COXFA4: variants seen among roughly 807,000 people sequenced by gnomAD.
COXFA4 encodes the protein cytochrome c oxidase associated subunit FA4, also known as cytochrome c oxidase subunit FA4.
At chr7:10,939,386 T>A in the COXFA4 span, 1 of 182,268 alleles carries the variant, frequency 5.5e-6, no homozygotes, top group Non-Finnish European at 1.2e-5. Flanking sequence ...GAAAACGTAA[T>A]GCTACCAATG....
the COXFA4 span, chr7:10,938,009 C>T: frequency 8.9e-7 from 1 of 1,126,380 alleles, no homozygotes; most frequent in Non-Finnish European, 1.4e-6. Flanking sequence ...ACTCGTATAT[C>T]CAGTTTCAAG....
chr7:10,937,582 C>T, the COXFA4 span, among the ~76,000 whole-genome samples: 1 of 152,136 alleles, frequency 6.6e-6, no homozygotes, highest in East Asian at 1.9e-4. Flanking sequence ...CGTGCCTGGC[C>T]TGCCCTTGGT....
the COXFA4 span, chr7:10,933,458 A>G: frequency 1.8e-6 from 1 of 558,260 alleles, no homozygotes; most frequent in Admixed American, 3.3e-5. Flanking sequence ...GACACATATC[A>G]AGTTTCAGTT....
chr7:10,938,487 G>C, the COXFA4 span: 143 of 418,828 alleles, frequency 3.4e-4, no homozygotes, highest in African/African-American at 2.7e-3. Flanking sequence ...AAATGTGCAA[G>C]TGAAGGCAAA....
At chr7:10,934,019 G>GT in the COXFA4 span, among the ~76,000 whole-genome samples, 1 of 152,010 alleles carries the variant, frequency 6.6e-6, no homozygotes, top group Admixed American at 6.6e-5. Flanking sequence ...TTCCAATTCG[G>GT]TAAGTTTTTG....
the COXFA4 span, chr7:10,937,935 A>T: frequency 9.2e-6 from 6 of 649,110 alleles, no homozygotes; most frequent in Non-Finnish European, 1.7e-5. Context: ...TATTAGAGCA[A>T]TATACCATTT....
chr7:10,935,710 C>T, the COXFA4 span, among the ~76,000 whole-genome samples: 1 of 152,172 alleles, frequency 6.6e-6, no homozygotes, highest in African/African-American at 2.4e-5. Flanking sequence ...AATTGGTTGG[C>T]ACCTTGATCT....
At chr7:10,934,675 T>C in the COXFA4 span, among the ~76,000 whole-genome samples, 5 of 152,180 alleles carry the variant, frequency 3.3e-5, no homozygotes, top group Non-Finnish European at 7.3e-5. Flanking sequence ...CAAACCCCTT[T>C]TATTTCTTCA....
At chr7:10,939,201 C>T in the COXFA4 span, 1 of 311,412 alleles carries the variant, frequency 3.2e-6, no homozygotes, top group South Asian at 3.2e-5. Flanking sequence ...GTCTTCTTCA[C>T]CTCTCTAATA....
the COXFA4 span, among the ~76,000 whole-genome samples, chr7:10,936,357 C>A: frequency 2.7e-3 from 410 of 152,324 alleles, no homozygotes; most frequent in African/African-American, 9.6e-3. Flanking sequence ...CATTAGTAGA[C>A]TGGCTGCATT....
the COXFA4 span, chr7:10,938,374 G>A: frequency 1.9e-6 from 1 of 523,710 alleles, no homozygotes. Flanking sequence ...CTTTTTATCT[G>A]GCTTTCACAA....
chr7:10,938,403 A>G, the COXFA4 span: 53 of 491,180 alleles, frequency 1.1e-4, 2 homozygotes, highest in South Asian at 6.2e-4. Context: ...CATTTAATTA[A>G]TAAAGTGATA....
chr7:10,935,768 C>A, the COXFA4 span, among the ~76,000 whole-genome samples: 4 of 152,212 alleles, frequency 2.6e-5, no homozygotes, highest in East Asian at 7.7e-4. Flanking sequence ...GTTTAAGCCA[C>A]CTGGTCTACA....
chr7:10,934,777 C>G, the COXFA4 span, among the ~76,000 whole-genome samples: 123 of 152,214 alleles, frequency 8.1e-4, no homozygotes, highest in East Asian at 0.02. Flanking sequence ...ACCAAGTTAT[C>G]GTTGAGATAC....
the COXFA4 span, chr7:10,932,973 A>G: frequency 6.6e-6 from 1 of 152,406 alleles, no homozygotes; most frequent in South Asian, 2.1e-4. Context: ...CAAAAAAAAA[A>G]AAAAGAAAAA....
the COXFA4 span, among the ~76,000 whole-genome samples, chr7:10,936,303 G>A: frequency 1.3e-5 from 2 of 152,038 alleles, no homozygotes; most frequent in Non-Finnish European, 2.9e-5. Context: ...TTTCATTTTC[G>A]GTTCCCAAGG....
chr7:10,939,759 CACTA>C, the COXFA4 span: 2 of 554,860 alleles, frequency 3.6e-6, no homozygotes, highest in Non-Finnish European at 3.2e-6. Flanking sequence ...TTCCAATATT[CACTA>C]ACTAGAAAAA....
chr7:10,938,335 G>A, the COXFA4 span: 4 of 569,660 alleles, frequency 7.0e-6, no homozygotes, highest in Non-Finnish European at 9.2e-6. Flanking sequence ...TAGAAAAAAG[G>A]TAGAACACAG....
chr7:10,931,959 G>A, the COXFA4 span: 2 of 152,172 alleles, frequency 1.3e-5, no homozygotes, highest in Non-Finnish European at 2.9e-5. Flanking sequence ...ATTTCTTAAT[G>A]TAGCATTTAT....
Sources: allele counts gnomAD v4.1 joint callset (sites outside exome capture counted in the v4.1 genomes callset), GRCh38; gene constraint gnomAD v4.1.1; transcripts MANE v1.5; gene names NCBI Gene and HGNC (gene_info 2026-07-23, HGNC 2026-07-21).